The following MPG variants were observed in gnomAD, a reference collection of about 807,000 sequenced individuals.
MPG encodes the protein DNA-3-methyladenine glycosylase.
In MPG, 33 loss-of-function variants were observed where a neutral mutation model predicts 31.7. The observed-to-expected ratio is 1.04, with a 90% CI of 0.79 to 1.39. The LOEUF is 1.39. Ranked by LOEUF, MPG falls within the 40% of genes most tolerant of loss-of-function variation. The pLI, the probability that MPG is intolerant of heterozygous loss-of-function variation, is 0.00. For synonymous variants in MPG, 202 were observed against 169.2 expected, an observed-to-expected ratio of 1.19 and a Z score of -1.51; for missense variants, 455 against 415.5, an observed-to-expected ratio of 1.10 and a Z score of -0.83.
chr16:83,817 G>A (rs771762756), intron 3 of MPG, among the ~76,000 whole-genome samples: 4 of 151,920 alleles, frequency 2.6e-5, no homozygotes, highest in East Asian at 1.9e-4. Flanking sequence ...ACACAGTGTC[G>A]CCTGCCCTTG....
chr16:85,663 G>A lies in MPG; in HGVS notation c.768G>A (p.Arg256=). ...PSEPAVVAAA[R]VGVGHAGEWA... ...AGCCGGCTGTAGTGGCAGCAGCCCGGGTGGGCGTCGGCCATGCAGGGGAGT... is the reference window on the plus strand; with the variant it reads ...AGCCGGCTGTAGTGGCAGCAGCCCGAGTGGGCGTCGGCCATGCAGGGGAGT... Residue 256 remains arginine (R), a synonymous_variant, in exon 4 of 4, where the codon CGG becomes CGA. Coordinates refer to ENST00000356432, the MANE Select transcript of MPG (RefSeq NM_001015052.3). 4 of 1,582,084 alleles carry A rather than the reference G, an allele frequency of 2.5e-6. No homozygotes were observed. Among genetic ancestry groups the A allele is most frequent in the South Asian group, 2.3e-5 (2 of 88,220 alleles).
Position 85,621 on chromosome 16 carries a change from T to G in MPG, c.726T>G (p.Gly242=), listed in dbSNP as rs1898422926. Residue 242 remains glycine (G), a synonymous_variant, in exon 4 of 4, where the codon GGT becomes GGG. Coordinates refer to ENST00000356432, the MANE Select transcript of MPG (RefSeq NM_001015052.3). ...AQDEAVWLER[G]PLEPSEPAVV... ...ATGAAGCTGTATGGCTGGAGCGTGGTCCCCTGGAGCCCAGTGAGCCGGCTG... is the reference window on the plus strand; with the variant it reads ...ATGAAGCTGTATGGCTGGAGCGTGGGCCCCTGGAGCCCAGTGAGCCGGCTG... 2 of 1,601,372 alleles carry G rather than the reference T, an allele frequency of 1.2e-6. No individual in the cohort carries two copies. The highest frequency in any genetic ancestry group is 1.7e-6 in the Non-Finnish European group (2 of 1,170,808).
chr16:83,214 A>T lies in MPG; in HGVS notation c.463A>T (p.Ile155Phe). ...GAAGCCGGGGACCCTGTACGTGTAC[A>T]TCATTTACGGCATGTACTTCTGCAT... ...FMKPGTLYVY[I>F]IYGMYFCMNI... The change falls in exon 3 of 4, where the codon ATC (isoleucine) becomes TTC (phenylalanine). Residue 155 changes from isoleucine (I) to phenylalanine (F), a missense_variant. Ile to Phe is a conservative substitution (Grantham distance 21). Transcript: ENST00000356432. The T allele has an allele frequency of 6.8e-6, 11 of 1,613,074 alleles. No individual in the cohort carries two copies. Among genetic ancestry groups the T allele is most frequent in the Non-Finnish European group, 9.3e-6 (11 of 1,179,878 alleles).
chr16:79,530 T>C lies in MPG; in HGVS notation c.130T>C (p.Ser44Pro). 1 of 1,612,858 alleles carries C rather than the reference T, an allele frequency of 6.2e-7. No homozygotes were observed. Among genetic ancestry groups the C allele is most frequent in the Non-Finnish European group, 8.5e-7 (1 of 1,179,928 alleles). The change falls in exon 2 of 4, where the codon TCC becomes CCC. Residue 44 changes from serine (S) to proline (P), a missense_variant. By Grantham distance (74) the Ser-to-Pro change is moderately conservative. Coordinates refer to ENST00000356432, the MANE Select transcript of MPG (RefSeq NM_001015052.3). ...ACCTGCAGAGCAGCCACACAGCTCG[T>C]CCGATGCAGCCCAGGCACCTTGCCC... ...QAPAEQPHSS[S>P]DAAQAPCPRE...
rs767949023 is a variant in MPG, at chr16:85,822, G to A, written c.*45G>A. ...AAGATTTTTTAATTGTTTAAAAACC[G>A]AATAAATGTTTTATTTCTAGAAAAC... On this transcript the variant is annotated 3_prime_UTR_variant, in exon 4 of 4. Coordinates refer to ENST00000356432, the MANE Select transcript of MPG (RefSeq NM_001015052.3). The A allele has an allele frequency of 2.7e-5, 39 of 1,443,046 alleles. No homozygotes were observed. The highest frequency in any genetic ancestry group is 6.7e-5 in the South Asian group (4 of 59,852). The allele number at this position is 1,443,046 out of a possible 1,614,324, so 89.4% of individuals were successfully genotyped here. A position where few individuals can be genotyped will look rare whatever the true frequency, so the allele number is the denominator to read the frequency against.
intron 2 of MPG, 25 bp from the exon 3 acceptor site, chr16:83,027 C>G (rs537874203): frequency 1.9e-6 from 3 of 1,564,732 alleles, no homozygotes; most frequent in East Asian, 2.3e-5. Context: ...CCTTCCCGCC[C>G]TGAGCAGAAA....
chr16:79,236 TC>T, intron 1 of MPG, 188 bp from the exon 2 acceptor site: 1 of 1,552,274 alleles, frequency 6.4e-7, no homozygotes, highest in South Asian at 1.2e-5. Flanking sequence ...TCAGACGTGA[TC>T]ATTTCCTGAG....
chr16:78,238 CT>C lies in MPG; in HGVS notation c.-70del. 1 of 1,342,496 alleles carries C rather than the reference CT, an allele frequency of 7.4e-7. No homozygotes were observed. The allele number at this position is 1,342,496 out of a possible 1,614,324, so 83.2% of individuals were successfully genotyped here. A position where few individuals can be genotyped will look rare whatever the true frequency, so the allele number is the denominator to read the frequency against. ...CCGCTCCGCCCCGGTCCTAGGGGTG[CT>C]TCCGTGGTCGGCGGCTGCTGGGCTC... On this transcript the variant is annotated 5_prime_UTR_variant, in exon 1 of 4. Transcript: ENST00000356432.
Position 85,417 on chromosome 16 carries a change from C to T in MPG, c.522C>T (p.Val174=), listed in dbSNP as rs773939189. The stretch of plus-strand genomic sequence containing the variant: ...GTCCCACAGGGGACGGGGCTTGCGT[C>T]TTGCTGCGAGCACTGGAGCCCCTGG... ...NISSQGDGAC[V]LLRALEPLEG... is the part of the protein sequence containing the mutation. The change falls in exon 4 of 4, where the codon GTC becomes GTT. Residue 174 remains valine (V), a synonymous_variant. Transcript: ENST00000356432. 2 of 1,608,698 alleles carry T rather than the reference C, an allele frequency of 1.2e-6. No individual in the cohort carries two copies. Among genetic ancestry groups the T allele is most frequent in the Non-Finnish European group, 8.5e-7 (1 of 1,177,468 alleles).
chr16:77,985 T>C (rs1164630558), upstream of MPG: 1 of 198,408 alleles, frequency 5.0e-6, no homozygotes. Flanking sequence ...GGACAGCTCA[T>C]TGGGAGGGGC....
chr16:80,149 C>T (rs1214119553), intron 2 of MPG, among the ~76,000 whole-genome samples: 1 of 152,254 alleles, frequency 6.6e-6, no homozygotes, highest in African/African-American at 2.4e-5. Flanking sequence ...GCCAATCAGA[C>T]TTGGAGTAAG....
upstream of MPG, among the ~76,000 whole-genome samples, chr16:77,839 C>G (rs1898129098): frequency 6.6e-6 from 1 of 152,138 alleles, no homozygotes; most frequent in Non-Finnish European, 1.5e-5. Context: ...GCCCCCTCCC[C>G]CAAAGCACGA....
rs1019531487 is a variant in MPG, at chr16:79,039, A to G, written c.25-386A>G. ...GGGTTGGATGAAAGGGCAGGGCTCC[A>G]GAAACCAGCTCAGACGTTTGCTTGG... On this transcript the variant is annotated intron_variant, in intron 1 of 3. Coordinates refer to ENST00000356432, the MANE Select transcript of MPG (RefSeq NM_001015052.3). 3.2e-5 allele frequency: 46 copies of G among 1,427,160 alleles called. No individual in the cohort carries two copies. The Admixed American group carries it at 1.2e-3, about 38-fold the overall frequency. 88.4% of individuals were successfully genotyped at this position (1,427,160 alleles called of 1,614,324 possible). A position where few individuals can be genotyped will look rare whatever the true frequency, so the allele number is the denominator to read the frequency against.
At chr16:83,603 T>A (rs1252218113) in intron 3 of MPG, among the ~76,000 whole-genome samples, 2 of 151,926 alleles carry the variant, frequency 1.3e-5, no homozygotes, top group Non-Finnish European at 2.9e-5. Context: ...TAGCTGGGTG[T>A]GGTAGTGGGC....
chr16:80,575 C>T (rs780046035), intron 2 of MPG, among the ~76,000 whole-genome samples: 11 of 152,134 alleles, frequency 7.2e-5, no homozygotes, highest in Non-Finnish European at 1.2e-4. Context: ...CTTTGGGAGG[C>T]GGAGGTGGGT....
chr16:84,102 C>A (rs529727537), intron 3 of MPG, among the ~76,000 whole-genome samples: 1 of 152,216 alleles, frequency 6.6e-6, no homozygotes, highest in East Asian at 1.9e-4. Flanking sequence ...CATTTGCAGG[C>A]GGCTCTGTGG....
chr16:83,673 G>A (rs573476618), intron 3 of MPG, among the ~76,000 whole-genome samples: 26 of 151,830 alleles, frequency 1.7e-4, no homozygotes, highest in Non-Finnish European at 2.2e-4. Context: ...CCCGGGAGGC[G>A]GAGGTTGCAG....
chr16:83,536 T>G (rs1596487513), intron 3 of MPG: 1 of 362,742 alleles, frequency 2.8e-6, no homozygotes, highest in East Asian at 5.6e-5. Context: ...AGGTCAGGAG[T>G]TCGACACCAG....
At position 78,334 on chromosome 16, in the gene MPG, G is replaced by C; in HGVS notation, c.24+1G>C. The C allele has an allele frequency of 1.6e-6, 2 of 1,268,888 alleles. No homozygotes were observed. Among genetic ancestry groups the C allele is most frequent in the Non-Finnish European group, 2.0e-6 (2 of 1,007,538 alleles). The allele number at this position is 1,268,888 out of a possible 1,614,324, so 78.6% of individuals were successfully genotyped here. A position where few individuals can be genotyped will look rare whatever the true frequency, so the allele number is the denominator to read the frequency against. On this transcript the variant is annotated splice_donor_variant, in intron 1 of 3. Transcript: ENST00000356432. LOFTEE classifies it high-confidence loss of function. ...GATGCCCGCGCGCAGCGGGGCCCAGGTGAGCGCGCGCCTCGGCCGCCCCGC... is the reference window on the plus strand; with the variant it reads ...GATGCCCGCGCGCAGCGGGGCCCAGCTGAGCGCGCGCCTCGGCCGCCCCGC...
Sources: gnomAD v4.1 joint callset for allele counts (sites outside exome capture counted in the v4.1 genomes callset) on GRCh38, gnomAD v4.1.1 for gene constraint, MANE v1.5 for transcripts, NCBI Gene and HGNC (gene_info 2026-07-23, HGNC 2026-07-21) for gene names.